The following GRIK1 variants were observed in gnomAD, a reference collection of about 807,000 sequenced individuals.
GRIK1 encodes the protein glutamate ionotropic receptor kainate type subunit 1, also known as glutamate receptor ionotropic, kainate 1.
GRIK1 carries 69 observed loss-of-function variants against 105.7 expected under a neutral mutation model. The observed-to-expected ratio is 0.65, with a 90% CI of 0.54 to 0.80. The LOEUF is 0.80. GRIK1 is among the 30% of genes least tolerant of loss of function. The pLI is 0.00. For missense variants in GRIK1, 1,109 were observed against 1,167.3 expected, an observed-to-expected ratio of 0.95 and a Z score of 0.73; for synonymous variants, 438 against 431.3, an observed-to-expected ratio of 1.02 and a Z score of -0.19.
intron 7 of GRIK1, among the ~76,000 whole-genome samples, chr21:29,613,594 T>TTATC (rs921717981): frequency 3.3e-5 from 5 of 152,242 alleles, no homozygotes; most frequent in African/African-American, 1.2e-4. Flanking sequence ...ATTAAGGTAT[T>TTATC]TATCTATCTA....
intron 1 of GRIK1, among the ~76,000 whole-genome samples, chr21:29,755,937 G>A (rs534485688): frequency 6.6e-6 from 1 of 152,092 alleles, no homozygotes; most frequent in East Asian, 1.9e-4. Flanking sequence ...GAAATGCAAA[G>A]CATATTTTTA....
intron 1 of GRIK1, among the ~76,000 whole-genome samples, chr21:29,752,742 C>A (rs1489072891): frequency 2.0e-5 from 3 of 152,156 alleles, no homozygotes; most frequent in Non-Finnish European, 4.4e-5. Flanking sequence ...GAGGCCGAGG[C>A]AGGAAGATTC....
chr21:29,716,505 G>C (rs4423682), intron 1 of GRIK1, among the ~76,000 whole-genome samples: 1 of 152,154 alleles, frequency 6.6e-6, no homozygotes. Flanking sequence ...AATGCTGATA[G>C]TAATGTGGGC....
At chr21:29,836,896 C>G (rs2067823408) in intron 1 of GRIK1, among the ~76,000 whole-genome samples, 1 of 152,138 alleles carries the variant, frequency 6.6e-6, no homozygotes, top group African/African-American at 2.4e-5. Context: ...CATTTTGTCT[C>G]TAGGAGCCAA....
chr21:29,832,828 C>T (rs1474610636), intron 1 of GRIK1, among the ~76,000 whole-genome samples: 1 of 152,184 alleles, frequency 6.6e-6, no homozygotes, highest in East Asian at 1.9e-4. Flanking sequence ...CTGCAACTCG[C>T]CTGGATTCAT....
intron 1 of GRIK1, among the ~76,000 whole-genome samples, chr21:29,857,100 G>A (rs2068486441): frequency 6.6e-6 from 1 of 152,140 alleles, no homozygotes; most frequent in Admixed American, 6.5e-5. Flanking sequence ...GGGGTTATAT[G>A]GATATAACTT....
intron 1 of GRIK1, among the ~76,000 whole-genome samples, chr21:29,862,512 T>C (rs2068677268): frequency 6.6e-6 from 1 of 152,216 alleles, no homozygotes; most frequent in South Asian, 2.1e-4. Context: ...CCAGCCTAGT[T>C]TGAAGATCAA....
chr21:29,605,870 A>G (rs993672116), intron 7 of GRIK1, among the ~76,000 whole-genome samples: 2 of 152,152 alleles, frequency 1.3e-5, no homozygotes, highest in Non-Finnish European at 2.9e-5. Flanking sequence ...TATATTGGAA[A>G]CTATGTTTTC....
In GRIK1 at chr21:29,937,080, T is replaced by C. The variant is rs192001725; in HGVS notation, c.118+2303A>G. 1.5e-4 allele frequency among the ~76,000 whole-genome samples: 23 copies of C among 152,336 alleles called. 1 individual carries two copies. Among genetic ancestry groups the C allele is most frequent in the Admixed American group, 1.4e-3 (22 of 15,304 alleles). On this transcript the variant is annotated intron_variant, in intron 1 of 17. Transcript: ENST00000327783. The stretch of plus-strand genomic sequence containing the variant: ...TAAAGAATACAACTCCCCTTTCTTT[T>C]TCCTTACACACACTCATACACACAC...
At chr21:29,838,520 T>C (rs1174447040) in intron 1 of GRIK1, among the ~76,000 whole-genome samples, 2 of 152,208 alleles carry the variant, frequency 1.3e-5, no homozygotes, top group Non-Finnish European at 2.9e-5. Context: ...CTTCTGCTGC[T>C]CTCCGGGAGT....
intron 15 of GRIK1, among the ~76,000 whole-genome samples, chr21:29,557,695 A>G (rs759148529): frequency 2.6e-5 from 4 of 152,212 alleles, no homozygotes; most frequent in Non-Finnish European, 4.4e-5. Context: ...GGTGAAAAAA[A>G]TGGATATTGA....
At chr21:29,828,933 C>G (rs2067551059) in intron 1 of GRIK1, among the ~76,000 whole-genome samples, 1 of 152,094 alleles carries the variant, frequency 6.6e-6, no homozygotes, top group South Asian at 2.1e-4. Context: ...CAAACCAAAC[C>G]AGTTTTACTC....
chr21:29,554,228 G>A (rs898650390), intron 16 of GRIK1, among the ~76,000 whole-genome samples: 14 of 152,146 alleles, frequency 9.2e-5, no homozygotes, highest in African/African-American at 3.4e-4. Flanking sequence ...GTCATTAATA[G>A]TCATAGTCTT....
rs1368393554 is a variant in GRIK1, at chr21:29,708,610, C to G, written c.119-14547G>C. Reference sequence around the variant, plus strand: ...TTCCATGACTTGTGAGCAGAAGTCTCTGGTGTCACTTCCTGGACAGAGGAC... The same window carrying G: ...TTCCATGACTTGTGAGCAGAAGTCTGTGGTGTCACTTCCTGGACAGAGGAC... On this transcript the variant is annotated intron_variant, in intron 1 of 17. Coordinates refer to ENST00000327783, the MANE Select transcript of GRIK1 (RefSeq NM_001330994.2). Among the ~76,000 whole-genome samples the G allele has an allele frequency of 3.9e-5, 6 of 152,112 alleles. No homozygotes were observed. The East Asian group carries it at 1.2e-3, about 29-fold the overall frequency.
chr21:29,598,374 T>A (rs1448788725), intron 8 of GRIK1, among the ~76,000 whole-genome samples: 7 of 152,200 alleles, frequency 4.6e-5, no homozygotes, highest in Non-Finnish European at 8.8e-5. Context: ...GTAAGTCTCT[T>A]CTATCCTACT....
At chr21:29,635,205 C>G (rs1164322630) in intron 7 of GRIK1, among the ~76,000 whole-genome samples, 1 of 152,144 alleles carries the variant, frequency 6.6e-6, no homozygotes, top group African/African-American at 2.4e-5. Flanking sequence ...CACTCAGGTA[C>G]TAGTAAAATG....
At chr21:29,614,618 G>A (rs1040353365) in intron 7 of GRIK1, among the ~76,000 whole-genome samples, 1 of 150,918 alleles carries the variant, frequency 6.6e-6, no homozygotes, top group Non-Finnish European at 1.5e-5. Context: ...TCTCCATGTT[G>A]GTCAGGCTGG....
chr21:29,913,843 C>T (rs2070903395), intron 1 of GRIK1, among the ~76,000 whole-genome samples: 1 of 151,684 alleles, frequency 6.6e-6, no homozygotes, highest in South Asian at 2.1e-4. Flanking sequence ...TTTCAAGTTA[C>T]ACATATACAT....
intron 1 of GRIK1, among the ~76,000 whole-genome samples, chr21:29,823,258 GTA>G (rs1213436672): frequency 1.3e-5 from 2 of 151,848 alleles, no homozygotes; most frequent in African/African-American, 4.8e-5. Flanking sequence ...ATATATGCAT[GTA>G]TATATACATA....
Sources: gnomAD v4.1 joint callset for allele counts (sites outside exome capture counted in the v4.1 genomes callset) on GRCh38, gnomAD v4.1.1 for gene constraint, MANE v1.5 for transcripts, NCBI Gene and HGNC (gene_info 2026-07-23, HGNC 2026-07-21) for gene names.